RGS17: variants seen among roughly 807,000 people sequenced by gnomAD.
RGS17 encodes regulator of G protein signaling 17, also known as regulator of G-protein signaling 17.
A neutral mutation model predicts 25.5 loss-of-function variants in RGS17; 12 were observed. That is an observed-to-expected ratio of 0.47 (90% CI 0.30 to 0.76). The LOEUF (loss-of-function observed/expected upper bound fraction) is 0.76, where lower values mean the gene tolerates loss of function less well. Ranked by LOEUF, RGS17 falls within the 30% of genes least tolerant of loss-of-function variation. The probability of loss-of-function intolerance (pLI) is 0.07; values close to 1 mark genes in which losing one functional copy is unlikely to be tolerated. For synonymous variants in RGS17, 71 were observed against 76.9 expected (o/e 0.92, Z 0.40); for missense variants, 196 against 242.2 (o/e 0.81, Z 1.27).
intron 4 of RGS17, among the ~76,000 whole-genome samples, chr6:153,023,024 T>C (rs1779261724): frequency 1.3e-5 from 2 of 152,208 alleles, no homozygotes; most frequent in Admixed American, 6.5e-5. Flanking sequence ...TTTCTCATTT[T>C]GTAGAGACAA....
intron 4 of RGS17, 27 bp from the exon 5 acceptor site, chr6:153,011,789 TA>T: frequency 2.7e-6 from 4 of 1,498,066 alleles, no homozygotes; most frequent in South Asian, 1.2e-5. Flanking sequence ...GCAAATACAT[TA>T]AATAATATTT....
intron 2 of RGS17, among the ~76,000 whole-genome samples, chr6:153,040,836 G>A (rs1038516483): frequency 6.6e-6 from 1 of 151,782 alleles, no homozygotes; most frequent in Admixed American, 6.6e-5. Flanking sequence ...CATAGTTCAA[G>A]GAACTTTAAC....
chr6:153,011,893 T>C (rs1779137538), intron 4 of RGS17, 131 bp from the exon 5 acceptor site: 9 of 627,612 alleles, frequency 1.4e-5, no homozygotes, highest in South Asian at 2.6e-5. Flanking sequence ...CTTGGGTTCA[T>C]CTTTTGAGAC....
At chr6:153,070,277 T>C (rs1211430014) in intron 1 of RGS17, among the ~76,000 whole-genome samples, 1 of 151,958 alleles carries the variant, frequency 6.6e-6, no homozygotes, top group East Asian at 1.9e-4. Context: ...CACATATCCA[T>C]GGAAGAGCAC....
intron 1 of RGS17, among the ~76,000 whole-genome samples, chr6:153,097,936 TC>T (rs1261456931): frequency 3.9e-5 from 6 of 152,150 alleles, no homozygotes; most frequent in African/African-American, 1.2e-4. Flanking sequence ...TTCACCCCTT[TC>T]TACCACTGTT....
chr6:153,105,194 C>G (rs1199886724), intron 1 of RGS17, among the ~76,000 whole-genome samples: 1 of 152,176 alleles, frequency 6.6e-6, no homozygotes, highest in Non-Finnish European at 1.5e-5. Flanking sequence ...TTCAATAACT[C>G]TGTCCTAGGC....
intron 1 of RGS17, among the ~76,000 whole-genome samples, chr6:153,090,650 A>G (rs1254798254): frequency 6.6e-6 from 1 of 152,052 alleles, no homozygotes; most frequent in Non-Finnish European, 1.5e-5. Flanking sequence ...AGAAAATTGC[A>G]GAAATAAACA....
chr6:153,022,340 C>T (rs1036077154), intron 4 of RGS17, among the ~76,000 whole-genome samples: 8 of 152,142 alleles, frequency 5.3e-5, no homozygotes, highest in African/African-American at 1.9e-4. Flanking sequence ...TTCTACAAAG[C>T]TCCATCAATC....
intron 1 of RGS17, among the ~76,000 whole-genome samples, chr6:153,063,107 G>A (rs997899255): frequency 1.3e-5 from 2 of 152,136 alleles, no homozygotes; most frequent in Admixed American, 6.5e-5. Flanking sequence ...GGGTACAAAG[G>A]AGCCCAGGCA....
chr6:153,018,051 T>TA (rs768850877), intron 4 of RGS17, among the ~76,000 whole-genome samples: 8 of 152,194 alleles, frequency 5.3e-5, no homozygotes, highest in Non-Finnish European at 1.2e-4. Flanking sequence ...ACATTGCAAA[T>TA]AAGACCAGTT....
At chr6:153,072,490 A>G (rs1180231204) in intron 1 of RGS17, among the ~76,000 whole-genome samples, 1 of 152,232 alleles carries the variant, frequency 6.6e-6, no homozygotes, top group East Asian at 1.9e-4. Flanking sequence ...CATTTTATAA[A>G]TAAGGAAACT....
intron 1 of RGS17, among the ~76,000 whole-genome samples, chr6:153,114,238 G>T (rs1777513733): frequency 6.6e-6 from 1 of 152,128 alleles, no homozygotes; most frequent in Admixed American, 6.5e-5. Context: ...AATACAAAAT[G>T]ATTAAGGGGA....
At chr6:153,092,922 A>G (rs1331650817) in intron 1 of RGS17, among the ~76,000 whole-genome samples, 2 of 152,152 alleles carry the variant, frequency 1.3e-5, no homozygotes, top group Non-Finnish European at 2.9e-5. Flanking sequence ...AAATGGACTG[A>G]CTAACTCCTG....
chr6:153,083,669 G>T (rs1777013302), intron 1 of RGS17, among the ~76,000 whole-genome samples: 1 of 152,144 alleles, frequency 6.6e-6, no homozygotes, highest in Non-Finnish European at 1.5e-5. Flanking sequence ...TTATGGCTTG[G>T]ATCTTGGAAT....
Position 153,054,945 on chromosome 6 carries a change from T to C in RGS17, c.-25-10902A>G, listed in dbSNP as rs532081087. Among the ~76,000 whole-genome samples the C allele has an allele frequency of 1.4e-4, 21 of 152,320 alleles. No homozygotes were observed. In the South Asian group the frequency reaches 4.4e-3, roughly 32 times the overall value. ...CCTGAATACCAGCAGTTCAGCATCT[T>C]ATCTGTGTTTCCAGTCTAAACTTCT... On this transcript the variant is annotated intron_variant, in intron 1 of 4. Transcript: ENST00000206262.
chr6:153,065,712 T>C (rs1776697386), intron 1 of RGS17, among the ~76,000 whole-genome samples: 1 of 152,040 alleles, frequency 6.6e-6, no homozygotes, highest in African/African-American at 2.4e-5. Context: ...AAGAAGGAAA[T>C]TGAGAAATTT....
intron 1 of RGS17, among the ~76,000 whole-genome samples, chr6:153,125,529 G>T (rs755322397): frequency 2.0e-5 from 3 of 152,076 alleles, no homozygotes; most frequent in African/African-American, 7.2e-5. Flanking sequence ...GAATTACTCA[G>T]GTTTTACTGT....
At position 153,041,332 on chromosome 6, in the gene RGS17, T is replaced by C. The variant is rs144981255; in HGVS notation, c.119+2568A>G. ...AGAAATGCAGTTCCTGACAAGGGCATTGCTAGTCTAGAGCTAACAGAGCAT... is the reference window on the plus strand; with the variant it reads ...AGAAATGCAGTTCCTGACAAGGGCACTGCTAGTCTAGAGCTAACAGAGCAT... On this transcript the variant is annotated intron_variant, in intron 2 of 4. Coordinates refer to ENST00000206262, the MANE Select transcript of RGS17 (RefSeq NM_012419.5). Among the ~76,000 whole-genome samples, 10 of 152,328 alleles carry C rather than the reference T, an allele frequency of 6.6e-5. No homozygotes were observed. In the East Asian group the frequency reaches 1.9e-3, roughly 29 times the overall value.
At position 153,006,570 on chromosome 6, in the gene RGS17, A is replaced by T; in HGVS notation, c.*5004T>A. The T allele has an allele frequency of 6.6e-6, 1 of 152,514 alleles. No individual in the cohort carries two copies. The highest frequency in any genetic ancestry group is 2.4e-5 in the African/African-American group (1 of 41,400). The allele number at this position is 152,514 out of a possible 1,614,324, so 9.4% of individuals were successfully genotyped here. ...CTGATATAGTGTTCCATCTTAAAACATGATTGTATGTTTTGATGAGTAGCT... is the reference window on the plus strand; with the variant it reads ...CTGATATAGTGTTCCATCTTAAAACTTGATTGTATGTTTTGATGAGTAGCT... On this transcript the variant is annotated 3_prime_UTR_variant, in exon 5 of 5. Coordinates refer to ENST00000206262, the MANE Select transcript of RGS17 (RefSeq NM_012419.5).
Sources: allele counts gnomAD v4.1 joint callset (sites outside exome capture counted in the v4.1 genomes callset), GRCh38; gene constraint gnomAD v4.1.1; transcripts MANE v1.5; gene names NCBI Gene and HGNC (gene_info 2026-07-23, HGNC 2026-07-21).